The following CD36 variants were observed in gnomAD, a reference collection of about 807,000 sequenced individuals.
The protein encoded by CD36 is CD36 molecule (CD36 blood group).
In CD36, 119 loss-of-function variants were observed where a neutral mutation model predicts 55.2. That is an observed-to-expected ratio of 2.15 (90% CI 1.86 to 2.51). The LOEUF is 2.51. Ranked by LOEUF, CD36 falls within the 30% of genes most tolerant of loss-of-function variation. The pLI is 0.00. For synonymous variants in CD36, 186 were observed against 193.6 expected, an observed-to-expected ratio of 0.96 and a Z score of 0.33; for missense variants, 819 against 555.5, an observed-to-expected ratio of 1.47 and a Z score of -4.77.
At chr7:80,673,802 G>T in intron 13 of CD36, 181 bp from the exon 14 acceptor site, 1 of 641,354 alleles carries the variant, frequency 1.6e-6, no homozygotes. Context: ...GAAGAGTACC[G>T]TACTCTATCT....
At chr7:80,666,382 TA>T in intron 7 of CD36, 60 bp from the exon 8 acceptor site, 1 of 1,073,942 alleles carries the variant, frequency 9.3e-7, no homozygotes, top group African/African-American at 1.6e-5. Flanking sequence ...ATAGAAAAAG[TA>T]ATGTAAGAAA....
At chr7:80,626,805 G>A (rs1250416146) in intron 1 of CD36, among the ~76,000 whole-genome samples, 1 of 148,822 alleles carries the variant, frequency 6.7e-6, no homozygotes, top group Admixed American at 6.7e-5. Context: ...TTTGTTCCCT[G>A]TAGTACATTT....
chr7:80,665,738 A>T (rs987488749), intron 7 of CD36, among the ~76,000 whole-genome samples: 1 of 152,122 alleles, frequency 6.6e-6, no homozygotes, highest in Non-Finnish European at 1.5e-5. Flanking sequence ...TATTTTGTTT[A>T]AGCAATGGCT....
At chr7:80,647,109 A>G (rs1795227027) in intron 3 of CD36, 10 of 425,790 alleles carry the variant, frequency 2.3e-5, no homozygotes, top group South Asian at 1.3e-4. Context: ...AAAGCTGTCT[A>G]CAGGTATGCA....
intron 1 of CD36, among the ~76,000 whole-genome samples, chr7:80,641,078 C>T (rs1794779134): frequency 6.6e-6 from 1 of 152,104 alleles, no homozygotes; most frequent in Admixed American, 6.6e-5. Flanking sequence ...TGAAGCGTGA[C>T]TGGGAAAGGG....
intron 12 of CD36, 147 bp from the exon 13 acceptor site, chr7:80,673,208 A>AAAACAACTATATTAAAATTT: frequency 1.9e-6 from 1 of 535,954 alleles, no homozygotes; most frequent in Non-Finnish European, 3.3e-6. Context: ...AAGGAAGTCA[A>AAAACAACTATATTAAAATTT]AAACAACTAT....
Position 80,666,499 on chromosome 7 carries a change from T to G in CD36, c.748+10T>G. 2 of 1,602,240 alleles carry G rather than the reference T, an allele frequency of 1.2e-6. No individual in the cohort carries two copies. Among genetic ancestry groups the G allele is most frequent in the Non-Finnish European group, 1.7e-6 (2 of 1,169,710 alleles). ...ATGATTAATGGTACAGGTAAGAATA[T>G]TTGTTTTGTGGTCATCACAGTTAAT... is the stretch of plus-strand genomic sequence containing the variant. On this transcript the variant is annotated intron_variant, in intron 8 of 14. Coordinates refer to ENST00000447544, the MANE Select transcript of CD36 (RefSeq NM_001001548.3).
At chr7:80,651,102 A>G (rs3211837) in intron 3 of CD36, among the ~76,000 whole-genome samples, 36 of 152,296 alleles carry the variant, frequency 2.4e-4, no homozygotes, top group African/African-American at 8.4e-4. Context: ...AACATAACAT[A>G]GGTAGTTGTA....
upstream of CD36, among the ~76,000 whole-genome samples, chr7:80,636,334 A>G (rs938187297): frequency 1.3e-5 from 2 of 152,054 alleles, no homozygotes; most frequent in East Asian, 1.9e-4. Context: ...TGAAAATGAG[A>G]GCAATGAATG....
chr7:80,671,249 AC>A, intron 10 of CD36, 85 bp downstream of exon 10: 1 of 864,014 alleles, frequency 1.2e-6, no homozygotes, highest in Non-Finnish European at 1.8e-6. Context: ...TCCTTTAGCA[AC>A]CAAAATTTAA....
chr7:80,651,800 T>C (rs1795644378), intron 3 of CD36, among the ~76,000 whole-genome samples: 1 of 152,116 alleles, frequency 6.6e-6, no homozygotes, highest in Non-Finnish European at 1.5e-5. Context: ...GTCCTAGCTT[T>C]TGTGGGGCTG....
rs1442446569 is a variant in CD36, at chr7:80,677,135, T to TA, written c.*755dup. ...ATAGTCCTTGCTGAAATATGCTTTC[T>TA]AAATTTCTACCACTTTGTTCTAGGC... On this transcript the variant is annotated 3_prime_UTR_variant, in exon 15 of 15. Coordinates refer to ENST00000447544, the MANE Select transcript of CD36 (RefSeq NM_001001548.3). 2 of 152,234 alleles carry TA rather than the reference T, an allele frequency of 1.3e-5. No individual in the cohort carries two copies. The highest frequency in any genetic ancestry group is 2.9e-5 in the Non-Finnish European group (2 of 68,032). 9.4% of individuals were successfully genotyped at this position (152,234 alleles called of 1,614,324 possible). A position where few individuals can be genotyped will look rare whatever the true frequency, so the allele number is the denominator to read the frequency against.
intron 10 of CD36, 51 bp from the exon 11 acceptor site, chr7:80,671,871 T>G (rs537879056): frequency 6.4e-7 from 1 of 1,558,852 alleles, no homozygotes; most frequent in Non-Finnish European, 8.8e-7. Context: ...GAGTTATATG[T>G]GAAATGAAGG....
intron 5 of CD36, chr7:80,662,372 C>G (rs1395439812): frequency 4.8e-6 from 1 of 209,300 alleles, no homozygotes; most frequent in African/African-American, 2.3e-5. Context: ...TCCTCCCCAA[C>G]CTGGGACACC....
At chr7:80,661,914 C>G (rs1053541886) in intron 5 of CD36, among the ~76,000 whole-genome samples, 1 of 152,092 alleles carries the variant, frequency 6.6e-6, no homozygotes. Context: ...TCTAGCTATC[C>G]GCCAACAGGG....
At chr7:80,659,873 T>C (rs952852739) in intron 4 of CD36, among the ~76,000 whole-genome samples, 6 of 152,124 alleles carry the variant, frequency 3.9e-5, no homozygotes, top group African/African-American at 1.4e-4. Flanking sequence ...GTAGTTTTAA[T>C]AAAATTATAT....
intron 1 of CD36, among the ~76,000 whole-genome samples, chr7:80,627,421 C>G (rs2116013164): frequency 6.6e-6 from 1 of 151,722 alleles, no homozygotes; most frequent in South Asian, 2.1e-4. Flanking sequence ...GCTTAAGCCT[C>G]CAATTAGTAC....
At chr7:80,604,390 T>TTTTTTTTTTAGC (rs144014175) in intron 1 of CD36, among the ~76,000 whole-genome samples, 1 of 109,602 alleles carries the variant, frequency 9.1e-6, no homozygotes, top group Admixed American at 1.2e-4. Context: ...TTTTTTTTTT[T>TTTTTTTTTTAGC]AGCAAAGTAT....
intron 1 of CD36, among the ~76,000 whole-genome samples, chr7:80,616,312 AAT>A (rs1793149096): frequency 2.0e-5 from 3 of 152,090 alleles, no homozygotes; most frequent in Admixed American, 2.0e-4. Flanking sequence ...TATGTCATGT[AAT>A]TAATCAAATC....
Sources: allele counts gnomAD v4.1 joint callset (sites outside exome capture counted in the v4.1 genomes callset), GRCh38; gene constraint gnomAD v4.1.1; transcripts MANE v1.5; gene names NCBI Gene and HGNC (gene_info 2026-07-23, HGNC 2026-07-21).